The following LARGE1 variants were observed in gnomAD, a reference collection of about 807,000 sequenced individuals.
The protein encoded by LARGE1 is xylosyl- and glucuronyltransferase LARGE1.
A neutral mutation model predicts 87.6 loss-of-function variants in LARGE1; 43 were observed. The observed-to-expected ratio is 0.49, with a 90% CI of 0.38 to 0.63. The LOEUF (loss-of-function observed/expected upper bound fraction) is 0.63, where lower values mean the gene tolerates loss of function less well. LARGE1 is among the 30% of genes least tolerant of loss of function. The probability of loss-of-function intolerance (pLI) is 0.00; values close to 1 mark genes in which losing one functional copy is unlikely to be tolerated. For synonymous variants in LARGE1, 434 were observed against 394.6 expected (o/e 1.10, Z -1.18); for missense variants, 802 against 1,000.2 (o/e 0.80, Z 2.67).
intron 9 of LARGE1, among the ~76,000 whole-genome samples, chr22:33,379,218 G>C (rs1403528423): frequency 6.7e-6 from 1 of 149,148 alleles, no homozygotes; most frequent in Non-Finnish European, 1.5e-5. Flanking sequence ...TTTTATGAAA[G>C]AAGTCACACA....
chr22:33,189,038 C>T (rs1014497042), intron 11 of LARGE1, among the ~76,000 whole-genome samples: 14 of 151,734 alleles, frequency 9.2e-5, no homozygotes, highest in Admixed American at 7.9e-4. Flanking sequence ...AAGTTATGAT[C>T]CCTGGGCAGA....
At chr22:33,701,671 C>A (rs1304194069) in intron 2 of LARGE1, among the ~76,000 whole-genome samples, 1 of 152,200 alleles carries the variant, frequency 6.6e-6, no homozygotes, top group Admixed American at 6.5e-5. Context: ...ATCTCAACAG[C>A]AAAAGTGATT....
chr22:33,112,808 G>C, the LARGE1 span, among the ~76,000 whole-genome samples: 3 of 152,204 alleles, frequency 2.0e-5, no homozygotes. Flanking sequence ...CAGCACAGAT[G>C]TGTGAAAAAG....
In LARGE1 at chr22:33,383,563, A is replaced by T. The variant is rs886110417; in HGVS notation, c.1005+629T>A. On this transcript the variant is annotated intron_variant, in intron 8 of 14. Coordinates refer to ENST00000397394, the MANE Select transcript of LARGE1 (RefSeq NM_133642.5). Reference sequence around the variant, plus strand: ...TGACAGAGCGAGACTCCACCTCAAAAATAAAATAAAATAATAAAAATGAAT... The same window carrying T: ...TGACAGAGCGAGACTCCACCTCAAATATAAAATAAAATAATAAAAATGAAT... Among the ~76,000 whole-genome samples, 24 of 152,176 alleles carry T rather than the reference A, an allele frequency of 1.6e-4. 1 individual carries two copies. The highest frequency in any genetic ancestry group is 8.8e-5 in the Non-Finnish European group (6 of 68,030).
intron 1 of LARGE1, among the ~76,000 whole-genome samples, chr22:33,839,013 T>C (rs765371019): frequency 1.3e-5 from 2 of 152,212 alleles, no homozygotes; most frequent in South Asian, 2.1e-4. Flanking sequence ...GCCCAGTCCA[T>C]AGACCCACCA....
chr22:33,580,169 G>A (rs973837273), intron 5 of LARGE1, among the ~76,000 whole-genome samples: 6 of 152,024 alleles, frequency 3.9e-5, no homozygotes, highest in Non-Finnish European at 5.9e-5. Flanking sequence ...TCGGGAGTTT[G>A]AGACCACCCT....
At chr22:33,735,482 G>A (rs2083622307) in intron 2 of LARGE1, among the ~76,000 whole-genome samples, 2 of 151,958 alleles carry the variant, frequency 1.3e-5, no homozygotes, top group African/African-American at 2.4e-5. Context: ...GAACTTAGAG[G>A]GAAAAATTGA....
intron 6 of LARGE1, among the ~76,000 whole-genome samples, chr22:33,557,859 G>A (rs1354937230): frequency 6.6e-6 from 1 of 152,138 alleles, no homozygotes; most frequent in East Asian, 1.9e-4. Context: ...GAGCCACTAA[G>A]CCCGGCCCAG....
intron 1 of LARGE1, among the ~76,000 whole-genome samples, chr22:33,844,547 C>A (rs2063374800): frequency 6.6e-6 from 1 of 152,072 alleles, no homozygotes; most frequent in Admixed American, 6.6e-5. Flanking sequence ...CTTGGGGCCC[C>A]TGTGCAAGAG....
intron 1 of LARGE1, among the ~76,000 whole-genome samples, chr22:33,814,241 G>A (rs141436681): frequency 1.6e-4 from 25 of 152,084 alleles, no homozygotes; most frequent in African/African-American, 6.0e-4. Context: ...ACCTGACCTC[G>A]CCCCTGAAAA....
At chr22:33,327,561 G>A (rs928144801) in intron 10 of LARGE1, among the ~76,000 whole-genome samples, 9 of 152,206 alleles carry the variant, frequency 5.9e-5, no homozygotes, top group Non-Finnish European at 7.3e-5. Context: ...TAAAATCATA[G>A]ATCTGGTCTA....
chr22:33,679,093 T>C (rs902913873), intron 2 of LARGE1, among the ~76,000 whole-genome samples: 2 of 152,252 alleles, frequency 1.3e-5, no homozygotes, highest in African/African-American at 4.8e-5. Flanking sequence ...TATCTATCTC[T>C]GCCATTAAAA....
intron 3 of LARGE1, among the ~76,000 whole-genome samples, chr22:33,639,518 C>A (rs1311359356): frequency 6.6e-6 from 1 of 152,222 alleles, no homozygotes; most frequent in Non-Finnish European, 1.5e-5. Context: ...CTGCCTCCAC[C>A]TCATTTCATC....
At chr22:33,852,601 C>G (rs1601777312) in intron 1 of LARGE1, among the ~76,000 whole-genome samples, 2 of 152,176 alleles carry the variant, frequency 1.3e-5, no homozygotes, top group African/African-American at 2.4e-5. Context: ...AATCCTAGCA[C>G]TTTTGGAGGC....
chr22:33,470,233 A>C (rs1466872374), intron 6 of LARGE1, among the ~76,000 whole-genome samples: 1 of 151,838 alleles, frequency 6.6e-6, no homozygotes, highest in East Asian at 1.9e-4. Flanking sequence ...TGTACACCAA[A>C]CCCTCATGAC....
intron 1 of LARGE1, among the ~76,000 whole-genome samples, chr22:33,777,979 A>G (rs993291089): frequency 6.6e-6 from 1 of 152,186 alleles, no homozygotes; most frequent in Non-Finnish European, 1.5e-5. Context: ...GACTGGTCTC[A>G]TGCTTTAGAG....
At chr22:33,857,889 T>C (rs1434242433) in intron 1 of LARGE1, among the ~76,000 whole-genome samples, 1 of 152,212 alleles carries the variant, frequency 6.6e-6, no homozygotes, top group Non-Finnish European at 1.5e-5. Flanking sequence ...ATCCCATTGT[T>C]ACCGGGGTTC....
intron 5 of LARGE1, among the ~76,000 whole-genome samples, chr22:33,592,065 A>AGGGAG (rs149820556): frequency 0.099 from 9,132 of 92,122 alleles, 436 homozygotes; most frequent in African/African-American, 0.17. Flanking sequence ...GGAGAGGAGA[A>AGGGAG]GGGAGGGGAG....
intron 6 of LARGE1, among the ~76,000 whole-genome samples, chr22:33,498,207 G>A (rs2070244267): frequency 6.6e-6 from 1 of 152,042 alleles, no homozygotes; most frequent in African/African-American, 2.4e-5. Context: ...TTTCCAATAA[G>A]AAAGCTGGGG....
Sources: gnomAD v4.1 joint callset for allele counts (sites outside exome capture counted in the v4.1 genomes callset) on GRCh38, gnomAD v4.1.1 for gene constraint, MANE v1.5 for transcripts, NCBI Gene and HGNC (gene_info 2026-07-23, HGNC 2026-07-21) for gene names.